LANCL1: variants seen among roughly 807,000 people sequenced by gnomAD.
The protein encoded by LANCL1 is LanC like glutathione S-transferase 1.
A neutral mutation model predicts 50.6 loss-of-function variants in LANCL1; 50 were observed. That is an observed-to-expected ratio of 0.99 (90% confidence interval 0.79 to 1.25). The LOEUF is 1.25. Among genes scored for constraint, LANCL1 ranks in the 50% most tolerant of loss-of-function variants. LANCL1 has a pLI of 0.00. For missense variants in LANCL1, 532 were observed against 480.7 expected (o/e 1.11, Z -1.00); for synonymous variants, 188 against 178.6 (o/e 1.05, Z -0.42).
chr2:210,463,956 T>A (rs1040409265), intron 3 of LANCL1, among the ~76,000 whole-genome samples: 3 of 152,208 alleles, frequency 2.0e-5, no homozygotes, highest in Non-Finnish European at 4.4e-5. Flanking sequence ...CTATTAAAAG[T>A]TCATGTTAAC....
chr2:210,455,234 G>A lies in LANCL1; in HGVS notation c.280C>T (p.Gln94Ter). Residue 94 changes from glutamine (Q) to a stop codon, truncating the protein, a stop_gained, in exon 4 of 10, where the codon CAA (glutamine) becomes TAA (stop). Transcript: ENST00000450366. LOFTEE classifies it high-confidence loss of function. Reference sequence around the variant, plus strand: ...CGCTTGGTTAAGCAGTTCAGACTTTGCTTTACATAGCCATGTGCTAACTGT... The same window carrying A: ...CGCTTGGTTAAGCAGTTCAGACTTTACTTTACATAGCCATGTGCTAACTGT... ...YLQLAHGYVKQSLNCLTKRSI... is the reference protein window; with the variant it reads ...YLQLAHGYVK The A allele has an allele frequency of 6.2e-7, 1 of 1,612,266 alleles. No individual in the cohort carries two copies. Among genetic ancestry groups the A allele is most frequent in the Non-Finnish European group, 8.5e-7 (1 of 1,179,600 alleles).
At chr2:210,471,920 G>A in intron 3 of LANCL1, 39 bp downstream of exon 3, 1 of 1,398,918 alleles carries the variant, frequency 7.1e-7, no homozygotes, top group South Asian at 1.2e-5. Flanking sequence ...TGGCTCTTAA[G>A]CACAATGCTT....
intron 4 of LANCL1, among the ~76,000 whole-genome samples, chr2:210,452,777 T>C (rs1278762934): frequency 1.3e-5 from 2 of 152,122 alleles, no homozygotes; most frequent in Non-Finnish European, 2.9e-5. Flanking sequence ...AATTATGCTT[T>C]TGAAAGAACA....
intron 3 of LANCL1, among the ~76,000 whole-genome samples, chr2:210,467,323 G>A (rs1296667633): frequency 2.0e-5 from 3 of 152,162 alleles, no homozygotes; most frequent in Non-Finnish European, 2.9e-5. Context: ...AAGTTACTGA[G>A]TGTTCCTGCC....
intron 3 of LANCL1, chr2:210,468,986 G>A (rs1267780250): frequency 6.6e-6 from 1 of 152,116 alleles, no homozygotes; most frequent in African/African-American, 2.4e-5. Flanking sequence ...TACGTATACT[G>A]GAGAATGACG....
intron 3 of LANCL1, chr2:210,468,317 C>T (rs1694129558): frequency 6.6e-6 from 1 of 152,000 alleles, no homozygotes; most frequent in African/African-American, 2.4e-5. Flanking sequence ...ATTTATCCCC[C>T]CAAAAATCCC....
At chr2:210,462,446 G>A (rs1693893276) in intron 3 of LANCL1, among the ~76,000 whole-genome samples, 1 of 152,178 alleles carries the variant, frequency 6.6e-6, no homozygotes, top group African/African-American at 2.4e-5. Context: ...TTACAAAGGA[G>A]AATTTTGGTG....
intron 3 of LANCL1, among the ~76,000 whole-genome samples, chr2:210,461,459 G>T (rs1283621162): frequency 1.3e-5 from 2 of 152,092 alleles, no homozygotes; most frequent in Non-Finnish European, 2.9e-5. Flanking sequence ...CTCCTTTCAA[G>T]TAAGTCTGGT....
chr2:210,455,389 T>A, intron 3 of LANCL1, 75 bp from the exon 4 acceptor site: 1 of 1,238,814 alleles, frequency 8.1e-7, no homozygotes, highest in Non-Finnish European at 1.1e-6. Flanking sequence ...TGGTGTCTAC[T>A]CAGCAGCGAT....
chr2:210,437,048 G>A (rs1692955235), intron 7 of LANCL1, among the ~76,000 whole-genome samples: 1 of 152,094 alleles, frequency 6.6e-6, no homozygotes, highest in Non-Finnish European at 1.5e-5. Context: ...AGTCTGCAGA[G>A]TTGTAATTTG....
At position 210,431,383 on chromosome 2, in the gene LANCL1, A is replaced by AGTTT. The variant is rs1692741149; in HGVS notation, c.*3100_*3103dup. 1.3e-5 allele frequency: 2 copies of AGTTT among 152,242 alleles called. No individual in the cohort carries two copies. Among genetic ancestry groups the AGTTT allele is most frequent in the African/African-American group, 2.4e-5 (1 of 41,466 alleles). 9.4% of individuals were successfully genotyped at this position (152,242 alleles called of 1,614,324 possible). On this transcript the variant is annotated 3_prime_UTR_variant, in exon 10 of 10. Transcript: ENST00000450366. ...GGTAGTTTCCCTGAATATCCCAAAC[A>AGTTT]GTTTGCTTTATAATTAGAGAAACAG...
chr2:210,439,998 C>T (rs999459582), intron 6 of LANCL1, among the ~76,000 whole-genome samples: 2 of 152,186 alleles, frequency 1.3e-5, no homozygotes, highest in Admixed American at 6.5e-5. Context: ...CTCTTCTGAT[C>T]TCTCCCAAGT....
intron 3 of LANCL1, chr2:210,468,020 G>T (rs1694120340): frequency 6.6e-6 from 1 of 152,156 alleles, no homozygotes; most frequent in South Asian, 2.1e-4. Flanking sequence ...GCAAGTAACT[G>T]TTTAATAAAG....
At chr2:210,440,457 A>G (rs1693092034) in intron 6 of LANCL1, 141 bp downstream of exon 6, 1 of 763,718 alleles carries the variant, frequency 1.3e-6, no homozygotes, top group Non-Finnish European at 2.0e-6. Context: ...TTGTTTGTCT[A>G]GGACAAGTAA....
rs1694396397 is a variant in LANCL1 at position 210,476,743 on chromosome 2, A to G, written c.-140T>C. On this transcript the variant is annotated 5_prime_UTR_variant, in exon 1 of 10. Transcript: ENST00000450366. ...TCACCCCGCAGCCCCGGACAGTAAC[A>G]GAAGGGCTATTTTACCGCCCAGTTC... The G allele has an allele frequency of 9.4e-7, 1 of 1,065,856 alleles. No individual in the cohort carries two copies. The allele number at this position is 1,065,856 out of a possible 1,614,324, so 66.0% of individuals were successfully genotyped here. A position where few individuals can be genotyped will look rare whatever the true frequency, so the allele number is the denominator to read the frequency against.
intron 4 of LANCL1, among the ~76,000 whole-genome samples, chr2:210,449,847 C>A (rs1306876177): frequency 6.6e-6 from 1 of 152,100 alleles, no homozygotes; most frequent in Non-Finnish European, 1.5e-5. Context: ...TAACAGAGGA[C>A]ACAAACAAAT....
In LANCL1 at chr2:210,433,307, T is replaced by C. The variant is rs1021781941; in HGVS notation, c.*1180A>G. On this transcript the variant is annotated 3_prime_UTR_variant, in exon 10 of 10. Coordinates refer to ENST00000450366, the MANE Select transcript of LANCL1 (RefSeq NM_006055.3). Reference sequence around the variant, plus strand: ...TTCTGTGGTCTCAGAAACTGATGAATTGTTAAGTCTAGGATACGCAAAGAT... The same window carrying C: ...TTCTGTGGTCTCAGAAACTGATGAACTGTTAAGTCTAGGATACGCAAAGAT... 5 of 152,208 alleles carry C rather than the reference T, an allele frequency of 3.3e-5. No individual in the cohort carries two copies. Among genetic ancestry groups the C allele is most frequent in the African/African-American group, 7.2e-5 (3 of 41,436 alleles). The allele number at this position is 152,208 out of a possible 1,614,324, so 9.4% of individuals were successfully genotyped here.
chr2:210,475,244 T>C (rs954157193), intron 2 of LANCL1, among the ~76,000 whole-genome samples: 3 of 152,244 alleles, frequency 2.0e-5, no homozygotes, highest in South Asian at 2.1e-4. Context: ...AAATGTCTTT[T>C]GTATGGCTGA....
Position 210,455,796 on chromosome 2 carries a change from T to TTG in LANCL1, c.200-484_200-483dup, listed in dbSNP as rs1192606793. 9.8e-4 allele frequency among the ~76,000 whole-genome samples: 148 copies of TTG among 150,948 alleles called. 3 individuals are homozygous for TTG. The highest frequency in any genetic ancestry group is 2.8e-3 in the African/African-American group (116 of 40,824). On this transcript the variant is annotated intron_variant, in intron 3 of 9. Transcript: ENST00000450366. ...ATTTCTCTTTACGTAAAAGTTTGTT[T>TTG]TGTGTGTGTGTGTGTTTTTTTTTTT... is the stretch of plus-strand genomic sequence containing the variant.
Sources: gnomAD v4.1 joint callset for allele counts (sites outside exome capture counted in the v4.1 genomes callset) on GRCh38, gnomAD v4.1.1 for gene constraint, MANE v1.5 for transcripts, NCBI Gene and HGNC (gene_info 2026-07-23, HGNC 2026-07-21) for gene names.